NBEA: variants seen among roughly 807,000 people sequenced by gnomAD.
NBEA encodes the protein neurobeachin.
Under a neutral mutation model 343.4 loss-of-function variants are expected in NBEA, and 44 were observed. The ratio of observed to expected loss-of-function variants is 0.13; its 90% CI spans 0.10 to 0.16. NBEA has a LOEUF of 0.16. Among genes scored for constraint, NBEA ranks in the 10% least tolerant of loss-of-function variants. The pLI is 1.00. For missense variants in NBEA, 2,555 were observed against 3,631.3 expected, an observed-to-expected ratio of 0.70 and a Z score of 7.62; for synonymous variants, 1,175 against 1,238.7, an observed-to-expected ratio of 0.95 and a Z score of 1.08.
intron 34 of NBEA, among the ~76,000 whole-genome samples, chr13:35,281,859 G>A (rs141685881): frequency 1.1e-3 from 160 of 151,928 alleles, no homozygotes; most frequent in African/African-American, 3.5e-3. Context: ...CAAATTGTTC[G>A]TGTATACACA....
chr13:35,159,894 T>A lies in NBEA; in HGVS notation c.3723T>A (p.Thr1241=), dbSNP rs2069438170. The change falls in exon 22 of 59, where the codon ACT becomes ACA. Residue 1241 remains threonine, a synonymous_variant. Coordinates refer to ENST00000379939, the MANE Select transcript of NBEA (RefSeq NM_001385012.1). The stretch of plus-strand genomic sequence containing the variant: ...AGTATGCTGAAATGACTGCTACAAC[T>A]CTGGAAACTGAGTCTTCTAGTAGCA... ...GLEYAEMTAT[T]LETESSSSKI... 6 of 1,599,968 alleles carry A rather than the reference T, an allele frequency of 3.8e-6. No homozygotes were observed. The South Asian group carries it at 5.6e-5, about 15-fold the overall frequency.
chr13:35,432,783 T>A (rs1254469709), intron 39 of NBEA, among the ~76,000 whole-genome samples: 2 of 152,034 alleles, frequency 1.3e-5, no homozygotes, highest in East Asian at 1.9e-4. Context: ...TGTATAAATT[T>A]GTTTCTGTGT....
At chr13:35,013,357 T>A (rs1481599326) in intron 1 of NBEA, among the ~76,000 whole-genome samples, 1 of 152,078 alleles carries the variant, frequency 6.6e-6, no homozygotes, top group African/African-American at 2.4e-5. Context: ...TAGGAAAAAA[T>A]ATAAAGATAA....
chr13:35,478,961 G>A (rs942575659), intron 41 of NBEA, among the ~76,000 whole-genome samples: 6 of 152,250 alleles, frequency 3.9e-5, no homozygotes, highest in African/African-American at 1.4e-4. Flanking sequence ...CTGGAGCCAG[G>A]CGCGCAGGTG....
chr13:35,275,775 C>T (rs2034539499), intron 34 of NBEA, among the ~76,000 whole-genome samples: 1 of 152,112 alleles, frequency 6.6e-6, no homozygotes, highest in African/African-American at 2.4e-5. Flanking sequence ...CACTGGCCAT[C>T]AGAGATATGC....
intron 45 of NBEA, among the ~76,000 whole-genome samples, chr13:35,579,080 T>C (rs1485088291): frequency 6.6e-6 from 1 of 152,194 alleles, no homozygotes; most frequent in African/African-American, 2.4e-5. Flanking sequence ...TTAGGGATGC[T>C]CAACCTATGT....
intron 4 of NBEA, 145 bp from the exon 5 acceptor site, chr13:35,048,418 A>T: frequency 1.4e-6 from 1 of 693,790 alleles, no homozygotes; most frequent in Non-Finnish European, 2.3e-6. Context: ...TTAATAAAAT[A>T]CTAGCTCTTA....
intron 35 of NBEA, among the ~76,000 whole-genome samples, chr13:35,294,474 T>C (rs1462669136): frequency 7.9e-5 from 12 of 152,112 alleles, no homozygotes; most frequent in Non-Finnish European, 1.2e-4. Flanking sequence ...ATTTCAAATA[T>C]AAGGAAACCA....
At chr13:35,319,801 A>T (rs1239727437) in intron 36 of NBEA, among the ~76,000 whole-genome samples, 1 of 152,066 alleles carries the variant, frequency 6.6e-6, no homozygotes, top group Non-Finnish European at 1.5e-5. Flanking sequence ...TATGTTTAGG[A>T]TAGTTAGCTT....
chr13:35,531,050 G>C (rs1317997850), intron 41 of NBEA, among the ~76,000 whole-genome samples: 2 of 152,156 alleles, frequency 1.3e-5, no homozygotes, highest in African/African-American at 4.8e-5. Flanking sequence ...ATCAGATTTA[G>C]AAATATGCTT....
At chr13:35,357,187 C>T (rs192637898) in intron 38 of NBEA, among the ~76,000 whole-genome samples, 15 of 137,114 alleles carry the variant, frequency 1.1e-4, no homozygotes, top group Middle Eastern at 7.6e-3. Flanking sequence ...TGATACTTTC[C>T]ACATAGAATT....
chr13:35,623,931 C>T (rs948692910), intron 48 of NBEA, among the ~76,000 whole-genome samples: 6 of 151,778 alleles, frequency 4.0e-5, no homozygotes, highest in African/African-American at 1.2e-4. Flanking sequence ...GCTAGAATTC[C>T]AAAAACAGTG....
intron 41 of NBEA, among the ~76,000 whole-genome samples, chr13:35,519,428 C>T (rs890756663): frequency 6.6e-6 from 1 of 152,146 alleles, no homozygotes; most frequent in Non-Finnish European, 1.5e-5. Context: ...GACCTTATTA[C>T]TACCCATCAT....
chr13:35,164,721 T>A (rs534067184), intron 24 of NBEA, among the ~76,000 whole-genome samples: 69 of 152,308 alleles, frequency 4.5e-4, no homozygotes, highest in African/African-American at 1.5e-3. Flanking sequence ...GTAATTCTGA[T>A]GAATACTTCA....
At chr13:35,637,121 A>G (rs1361673701) in intron 49 of NBEA, among the ~76,000 whole-genome samples, 1 of 152,230 alleles carries the variant, frequency 6.6e-6, no homozygotes, top group African/African-American at 2.4e-5. Flanking sequence ...TGTATCAGTC[A>G]GGATCTCAGC....
chr13:35,402,587 G>C (rs1273456185), intron 38 of NBEA, among the ~76,000 whole-genome samples: 1 of 152,096 alleles, frequency 6.6e-6, no homozygotes, highest in Non-Finnish European at 1.5e-5. Context: ...ATTGTTTTCT[G>C]AATGGGCACA....
chr13:35,565,827 G>C (rs966159691), intron 44 of NBEA, among the ~76,000 whole-genome samples: 8 of 152,012 alleles, frequency 5.3e-5, no homozygotes, highest in African/African-American at 1.2e-4. Flanking sequence ...AACATAAGCA[G>C]ACATATTCAC....
chr13:35,284,397 A>C (rs999150795), intron 34 of NBEA, among the ~76,000 whole-genome samples: 4 of 152,126 alleles, frequency 2.6e-5, no homozygotes, highest in Non-Finnish European at 5.9e-5. Context: ...CCAAACATGA[A>C]TGTAAGCTGC....
intron 17 of NBEA, among the ~76,000 whole-genome samples, chr13:35,140,538 T>A (rs982201139): frequency 6.6e-6 from 1 of 152,134 alleles, no homozygotes; most frequent in Non-Finnish European, 1.5e-5. Flanking sequence ...TTGACCTTTT[T>A]CAGTCATATT....
Sources: allele counts gnomAD v4.1 joint callset (sites outside exome capture counted in the v4.1 genomes callset), GRCh38; gene constraint gnomAD v4.1.1; transcripts MANE v1.5; gene names NCBI Gene and HGNC (gene_info 2026-07-23, HGNC 2026-07-21).